The following TBPL1 variants were observed in gnomAD, a reference collection of about 807,000 sequenced individuals.
TBPL1 encodes TATA-box binding protein like 1.
In TBPL1, 4 loss-of-function variants were observed where a neutral mutation model predicts 22.1. The observed-to-expected ratio is 0.18, with a 90% CI of 0.09 to 0.41. The LOEUF (loss-of-function observed/expected upper bound fraction) is 0.41, where lower values mean the gene tolerates loss of function less well. TBPL1 is among the 10% of genes least tolerant of loss of function. The pLI is 1.00. For missense variants in TBPL1, 115 were observed against 222.3 expected (o/e 0.52, Z 3.07); for synonymous variants, 64 against 71.0 (o/e 0.90, Z 0.50).
intron 1 of TBPL1, among the ~76,000 whole-genome samples, chr6:133,957,090 A>T (rs1775939918): frequency 6.6e-6 from 1 of 152,232 alleles, no homozygotes; most frequent in Admixed American, 6.5e-5. Flanking sequence ...CTGTGACTAA[A>T]GGGTGATAAA....
In TBPL1 at chr6:133,984,439, C is replaced by G. The variant is rs1320763164; in HGVS notation, c.346C>G (p.Arg116Gly). 6.2e-7 allele frequency: 1 copy of G among 1,613,562 alleles called. No individual in the cohort carries two copies. Among genetic ancestry groups the G allele is most frequent in the Non-Finnish European group, 8.5e-7 (1 of 1,179,816 alleles). ...AGTGTGTAACATGCCATTTGAAATC[C>G]GTTTGCCAGAATTCACAAAGAACAA... ...LAVCNMPFEI[R>G]LPEFTKNNRP... Residue 116 changes from arginine (R) to glycine (G), a missense_variant, in exon 5 of 7, where the codon CGT becomes GGT. Coordinates refer to ENST00000237264, the MANE Select transcript of TBPL1 (RefSeq NM_004865.4).
Position 133,990,219 on chromosome 6 carries a change from G to T in TBPL1, c.*3179G>T, listed in dbSNP as rs1187641842. ...TATAGCCTGTGTACCGTAACCTGAG[G>T]TAGTGATATTCCTGAGGAGTGTGAA... On this transcript the variant is annotated 3_prime_UTR_variant, in exon 7 of 7. Coordinates refer to ENST00000237264, the MANE Select transcript of TBPL1 (RefSeq NM_004865.4). The T allele has an allele frequency of 6.6e-6, 1 of 152,600 alleles. No homozygotes were observed. Among genetic ancestry groups the T allele is most frequent in the Non-Finnish European group, 1.5e-5 (1 of 68,040 alleles). 9.5% of individuals were successfully genotyped at this position (152,600 alleles called of 1,614,324 possible).
intron 1 of TBPL1, among the ~76,000 whole-genome samples, chr6:133,961,556 C>T (rs1009828961): frequency 3.3e-5 from 5 of 151,276 alleles, no homozygotes; most frequent in Non-Finnish European, 7.4e-5. Flanking sequence ...GCAACCTCCG[C>T]CTCCCGAGTT....
Position 133,966,181 on chromosome 6 carries a change from G to T in TBPL1, c.-45+12756G>T, listed in dbSNP as rs143688194. Among the ~76,000 whole-genome samples the T allele has an allele frequency of 7.4e-3, 1,131 of 152,232 alleles. 12 individuals carry two copies. Among genetic ancestry groups the T allele is most frequent in the Middle Eastern group, 0.014 (4 of 294 alleles). On this transcript the variant is annotated intron_variant, in intron 1 of 6. Coordinates refer to ENST00000237264, the MANE Select transcript of TBPL1 (RefSeq NM_004865.4). Reference sequence around the variant, plus strand: ...AACCTCAAGCTTACAGTTAAACTCTGCAGACATTTTATTGAATGTGTATGG... The same window carrying T: ...AACCTCAAGCTTACAGTTAAACTCTTCAGACATTTTATTGAATGTGTATGG...
chr6:133,956,941 A>AT (rs2114317437), intron 1 of TBPL1, among the ~76,000 whole-genome samples: 1 of 152,248 alleles, frequency 6.6e-6, no homozygotes, highest in South Asian at 2.1e-4. Context: ...GACAAATTTG[A>AT]TTTTTGTATT....
chr6:133,961,465 CTTTTT>C (rs61695774), intron 1 of TBPL1, among the ~76,000 whole-genome samples: 4 of 100,208 alleles, frequency 4.0e-5, no homozygotes, highest in Non-Finnish European at 4.0e-5. Context: ...TTCTTTCTTT[CTTTTT>C]TTTTTTTTTT....
intron 1 of TBPL1, among the ~76,000 whole-genome samples, chr6:133,966,667 A>G (rs1776124113): frequency 6.6e-6 from 1 of 152,094 alleles, no homozygotes; most frequent in South Asian, 2.1e-4. Flanking sequence ...CCCTTTCTCC[A>G]GTGTTTCCTA....
rs1022673428 is a variant in TBPL1 at position 133,989,917 on chromosome 6, T to A, written c.*2877T>A. On this transcript the variant is annotated 3_prime_UTR_variant, in exon 7 of 7. Transcript: ENST00000237264. ...AGTTAGGTTGTTCGTGCTTTTAAGT[T>A]TTTTGTGTGTCTTCCATCACTTAAA... is the stretch of plus-strand genomic sequence containing the variant. 1 of 152,222 alleles carries A rather than the reference T, an allele frequency of 6.6e-6. No homozygotes were observed. The highest frequency in any genetic ancestry group is 2.4e-5 in the African/African-American group (1 of 41,466). The allele number at this position is 152,222 out of a possible 1,614,324, so 9.4% of individuals were successfully genotyped here. A position where few individuals can be genotyped will look rare whatever the true frequency, so the allele number is the denominator to read the frequency against.
At chr6:133,983,205 T>A (rs1251360145) in intron 4 of TBPL1, among the ~76,000 whole-genome samples, 2 of 152,230 alleles carry the variant, frequency 1.3e-5, no homozygotes, top group African/African-American at 4.8e-5. Context: ...ATCTCAAGAA[T>A]GCCAGGTCAG....
chr6:133,969,440 G>A (rs1776180628), intron 1 of TBPL1, among the ~76,000 whole-genome samples: 1 of 151,998 alleles, frequency 6.6e-6, no homozygotes, highest in South Asian at 2.1e-4. Flanking sequence ...TATCTAGATT[G>A]AGTCTCATAG....
At chr6:133,985,174 G>T (rs148421531) in intron 6 of TBPL1, among the ~76,000 whole-genome samples, 11,733 of 149,722 alleles carry the variant, frequency 0.078, 441 homozygotes, top group Non-Finnish European at 0.085. Context: ...AGCTATTCGG[G>T]AGGCTAAGGC....
rs1312448310 is a variant in TBPL1, at chr6:133,987,644, G to GTATATATA, written c.*605_*606insATATATAT. The GTATATATA allele has an allele frequency of 3.9e-5, 5 of 128,680 alleles. No homozygotes were observed. Among genetic ancestry groups the GTATATATA allele is most frequent in the African/African-American group, 1.6e-4 (5 of 31,208 alleles). 8.0% of individuals were successfully genotyped at this position (128,680 alleles called of 1,614,324 possible). A position where few individuals can be genotyped will look rare whatever the true frequency, so the allele number is the denominator to read the frequency against. On this transcript the variant is annotated 3_prime_UTR_variant, in exon 7 of 7. Transcript: ENST00000237264. ...GTATTTTGTGTGTGTGTGTGTGTGT[G>GTATATATA]TGTGTATATATATATATATATATGC...
chr6:133,974,711 A>C (rs1029848084), intron 1 of TBPL1, among the ~76,000 whole-genome samples: 1 of 152,254 alleles, frequency 6.6e-6, no homozygotes, highest in Non-Finnish European at 1.5e-5. Context: ...ACACAGCCAG[A>C]GTATCTCCTA....
chr6:133,966,397 C>T (rs1180396167), intron 1 of TBPL1, among the ~76,000 whole-genome samples: 1 of 152,136 alleles, frequency 6.6e-6, no homozygotes, highest in East Asian at 1.9e-4. Flanking sequence ...AATAGGGACA[C>T]TCTGGCTTAA....
In TBPL1 at chr6:133,990,163, T is replaced by A. The variant is rs35064072; in HGVS notation, c.*3123T>A. On this transcript the variant is annotated 3_prime_UTR_variant, in exon 7 of 7. Transcript: ENST00000237264. ...CCTGATGTCTGAATGTCATTTATTG[T>A]GTCTTCAGTTATCTGAACATCATCA... 6.5e-6 allele frequency: 1 copy of A among 152,714 alleles called. No homozygotes were observed. Among genetic ancestry groups the A allele is most frequent in the Admixed American group, 6.5e-5 (1 of 15,286 alleles). The allele number at this position is 152,714 out of a possible 1,614,324, so 9.5% of individuals were successfully genotyped here.
chr6:133,984,613 G>T lies in TBPL1; in HGVS notation c.423G>T (p.Arg141=). The change falls in exon 6 of 7, where the codon CGG becomes CGT. Residue 141 remains arginine, a synonymous_variant. Transcript: ENST00000237264. ...AACTTCATCCTGCTGTGTGCTATCG[G>T]ATAAAATCTCTAAGAGCTACATTAC... is the stretch of plus-strand genomic sequence containing the variant. ...EPELHPAVCY[R]IKSLRATLQI... is the part of the protein sequence containing the mutation. 1 of 1,613,272 alleles carries T rather than the reference G, an allele frequency of 6.2e-7. No homozygotes were observed. Among genetic ancestry groups the T allele is most frequent in the Non-Finnish European group, 8.5e-7 (1 of 1,179,838 alleles).
At chr6:133,985,343 C>CAT (rs1776500614) in intron 6 of TBPL1, among the ~76,000 whole-genome samples, 2 of 102,518 alleles carry the variant, frequency 2.0e-5, no homozygotes, top group African/African-American at 3.9e-5. Context: ...TATATACACA[C>CAT]ATATATTTTC....
rs560693719 is a variant in TBPL1, at chr6:133,988,769, C to G, written c.*1729C>G. The G allele has an allele frequency of 4.6e-5, 7 of 151,672 alleles. No homozygotes were observed. The highest frequency in any genetic ancestry group is 2.1e-4 in the South Asian group (1 of 4,794). 9.4% of individuals were successfully genotyped at this position (151,672 alleles called of 1,614,324 possible). A position where few individuals can be genotyped will look rare whatever the true frequency, so the allele number is the denominator to read the frequency against. On this transcript the variant is annotated 3_prime_UTR_variant, in exon 7 of 7. Transcript: ENST00000237264. ...TGTTTATTTCCTTTATTTTAAGATT[C>G]AGTAGGATAGCCAAATTCATAGAGA...
upstream of TBPL1, chr6:133,952,252 G>C (rs1008932512): frequency 6.6e-6 from 1 of 152,284 alleles, no homozygotes; most frequent in African/African-American, 2.4e-5. This position sits in a 1 kb window ranked among gnomAD's most constrained non-coding sequence, Gnocchi z 4.5. Context: ...CGGGCCCCAG[G>C]GCGACGGTTC....
Sources: allele counts gnomAD v4.1 joint callset (sites outside exome capture counted in the v4.1 genomes callset), GRCh38; gene constraint gnomAD v4.1.1; non-coding constraint Gnocchi (gnomAD v3.1); transcripts MANE v1.5; gene names NCBI Gene and HGNC (gene_info 2026-07-23, HGNC 2026-07-21).